TRERF1: variants seen among roughly 807,000 people sequenced by gnomAD.
TRERF1 encodes transcriptional-regulating factor 1.
In TRERF1, 27 loss-of-function variants were observed where a neutral mutation model predicts 122.9. That is an observed-to-expected ratio of 0.22 (90% CI 0.16 to 0.30). The LOEUF is 0.30. Among genes scored for constraint, TRERF1 ranks in the 10% least tolerant of loss-of-function variants. TRERF1 has a pLI of 1.00. For missense variants in TRERF1, 1,248 were observed against 1,560.3 expected (o/e 0.80, Z 3.37); for synonymous variants, 636 against 641.7 (o/e 0.99, Z 0.13).
At chr6:42,348,528 C>T (rs952849518) in intron 3 of TRERF1, among the ~76,000 whole-genome samples, 4 of 152,170 alleles carry the variant, frequency 2.6e-5, no homozygotes, top group African/African-American at 7.2e-5. Context: ...GCTGGGATTA[C>T]AGGCGTGAGC....
At chr6:42,258,366 C>T (rs1273468007) in intron 9 of TRERF1, among the ~76,000 whole-genome samples, 165 bp from the exon 10 acceptor site, 1 of 152,224 alleles carries the variant, frequency 6.6e-6, no homozygotes. Flanking sequence ...GAGTATGGTG[C>T]AAAATAACTT....
chr6:42,303,768 T>A (rs1024388345), intron 3 of TRERF1, among the ~76,000 whole-genome samples: 9 of 151,764 alleles, frequency 5.9e-5, no homozygotes, highest in African/African-American at 2.2e-4. Context: ...ATACAAAAAT[T>A]AGCCAGGTGT....
intron 2 of TRERF1, among the ~76,000 whole-genome samples, chr6:42,444,005 G>A (rs866665455): frequency 2.0e-5 from 3 of 152,078 alleles, no homozygotes; most frequent in South Asian, 2.1e-4. Context: ...GATGTAGAGA[G>A]GCTCGGAGGT....
At position 42,259,613 on chromosome 6, in the gene TRERF1, C is replaced by A. The variant is rs769431423; in HGVS notation, c.1995G>T (p.Pro665=). ...CGGGGTTCGGGTTGTAGGAGGGCGG[C>A]GGCGGGATGAAGAGAGGTTCCGGCC... Residue 665 remains proline, a synonymous_variant, in exon 9 of 18, where the codon CCG becomes CCT. Coordinates refer to ENST00000372922, the Ensembl canonical transcript of TRERF1. This position sits in a 1 kb window ranked among gnomAD's most constrained non-coding sequence, Gnocchi z 4.9. 1.2e-6 allele frequency: 2 copies of A among 1,613,714 alleles called. No individual in the cohort carries two copies. The highest frequency in any genetic ancestry group is 1.7e-5 in the Admixed American group (1 of 60,022).
intron 12 of TRERF1, among the ~76,000 whole-genome samples, chr6:42,255,963 TC>T (rs1776666858): frequency 6.6e-6 from 1 of 151,814 alleles, no homozygotes; most frequent in Non-Finnish European, 1.5e-5. Context: ...AAACCCCATC[TC>T]TACTGAAAAT....
chr6:42,330,227 A>C (rs1459105783), intron 3 of TRERF1, among the ~76,000 whole-genome samples: 1 of 152,256 alleles, frequency 6.6e-6, no homozygotes, highest in Non-Finnish European at 1.5e-5. Context: ...CTCAGGAGAC[A>C]TCAGTAAAAT....
At position 42,291,513 on chromosome 6, in the gene TRERF1, T is replaced by C. The variant is rs149436218; in HGVS notation, c.-259+9125A>G. Among the ~76,000 whole-genome samples, 977 of 152,072 alleles carry C rather than the reference T, an allele frequency of 6.4e-3. 22 individuals carry two copies. Among genetic ancestry groups the C allele is most frequent in the Admixed American group, 0.038 (573 of 15,274 alleles). On this transcript the variant is annotated intron_variant, in intron 4 of 17. Transcript: ENST00000372922. ...CAGTTATCTGGACAAGTTTTTTGTT[T>C]TGTTTTGTTTCGTTTTTGTTGTTTG...
chr6:42,448,425 A>G (rs1484411996), intron 2 of TRERF1, among the ~76,000 whole-genome samples: 2 of 152,262 alleles, frequency 1.3e-5, no homozygotes, highest in Non-Finnish European at 1.5e-5. Context: ...ACATTTATTC[A>G]TAAGTATTTC....
chr6:42,419,269 C>A (rs532208474), intron 2 of TRERF1, among the ~76,000 whole-genome samples: 8 of 139,354 alleles, frequency 5.7e-5, no homozygotes, highest in Non-Finnish European at 1.2e-4. Context: ...CCCCCCGCCC[C>A]GGCTTCTGCT....
intron 2 of TRERF1, among the ~76,000 whole-genome samples, chr6:42,435,715 C>T (rs964665947): frequency 1.3e-5 from 2 of 152,014 alleles, no homozygotes; most frequent in South Asian, 4.1e-4. Context: ...GTGGCTCACA[C>T]CTGTAATCCC....
intron 2 of TRERF1, among the ~76,000 whole-genome samples, chr6:42,385,021 A>G: frequency 6.6e-6 from 1 of 152,156 alleles, no homozygotes. Context: ...CATGTTGCCC[A>G]GGCTGGAGTG....
chr6:42,385,512 G>A (rs1776643667), intron 2 of TRERF1, among the ~76,000 whole-genome samples: 1 of 152,132 alleles, frequency 6.6e-6, no homozygotes, highest in African/African-American at 2.4e-5. Context: ...CAGGAACGCA[G>A]GTGCACTCAC....
intron 3 of TRERF1, among the ~76,000 whole-genome samples, chr6:42,337,240 A>G (rs1224110968): frequency 6.6e-6 from 1 of 152,180 alleles, no homozygotes; most frequent in African/African-American, 2.4e-5. Flanking sequence ...GTGGGGCTGG[A>G]CCAGCTGTGT....
chr6:42,426,690 G>T (rs895511260), intron 2 of TRERF1, among the ~76,000 whole-genome samples: 1 of 152,174 alleles, frequency 6.6e-6, no homozygotes, highest in East Asian at 1.9e-4. Flanking sequence ...TGTGAATGAA[G>T]TATGATTGGA....
intron 3 of TRERF1, among the ~76,000 whole-genome samples, chr6:42,318,755 A>G (rs954142069): frequency 6.6e-6 from 1 of 152,272 alleles, no homozygotes; most frequent in African/African-American, 2.4e-5. Context: ...CAGTAGCTGC[A>G]ATAGAGACCA....
At chr6:42,358,644 TC>T (rs1258845345) in intron 3 of TRERF1, among the ~76,000 whole-genome samples, 1 of 152,214 alleles carries the variant, frequency 6.6e-6, no homozygotes, top group Non-Finnish European at 1.5e-5. Context: ...TTTGTTTTGT[TC>T]TTATATTATC....
Position 42,263,269 on chromosome 6 carries a change from G to A in TRERF1, c.1884+51C>T. ...CAGAGCAGCAACTCACAGCAGGCGTGCGGGGGGCAGCCCCTTGGGGTGAGT... is the reference window on the plus strand; with the variant it reads ...CAGAGCAGCAACTCACAGCAGGCGTACGGGGGGCAGCCCCTTGGGGTGAGT... On this transcript the variant is annotated intron_variant, in intron 8 of 17. Coordinates refer to ENST00000372922, the Ensembl canonical transcript of TRERF1. The surrounding 1 kb of genome is among the most constrained non-coding windows in gnomAD (Gnocchi z 5.6). The A allele has an allele frequency of 6.4e-7, 1 of 1,554,756 alleles. No homozygotes were observed. The highest frequency in any genetic ancestry group is 8.7e-7 in the Non-Finnish European group (1 of 1,145,068).
At chr6:42,341,801 A>C (rs1767343548) in intron 3 of TRERF1, among the ~76,000 whole-genome samples, 1 of 152,200 alleles carries the variant, frequency 6.6e-6, no homozygotes, top group Non-Finnish European at 1.5e-5. Context: ...AAGAACACTA[A>C]ACATTTCTTC....
chr6:42,308,018 G>A (rs1342799949), intron 3 of TRERF1, among the ~76,000 whole-genome samples: 2 of 152,234 alleles, frequency 1.3e-5, no homozygotes, highest in African/African-American at 4.8e-5. Context: ...TCCCAGTAGG[G>A]ATGGAAAATG....
Sources: gnomAD v4.1 joint callset for allele counts (sites outside exome capture counted in the v4.1 genomes callset) on GRCh38, gnomAD v4.1.1 for gene constraint, Gnocchi (gnomAD v3.1) non-coding constraint, MANE v1.5 for transcripts, NCBI Gene and HGNC (gene_info 2026-07-23, HGNC 2026-07-21) for gene names.